MIPOL1: variants seen among roughly 807,000 people sequenced by gnomAD.
MIPOL1 encodes the protein mirror-image polydactyly 1.
In MIPOL1, 57 loss-of-function variants were observed where a neutral mutation model predicts 60.9. That is an observed-to-expected ratio of 0.94 (90% confidence interval 0.76 to 1.17). The LOEUF (loss-of-function observed/expected upper bound fraction) is 1.17. Among genes scored for constraint, MIPOL1 ranks in the 50% most tolerant of loss-of-function variants. MIPOL1 has a pLI of 0.00. For missense variants in MIPOL1, 551 were observed against 511.6 expected (o/e 1.08, Z -0.74); for synonymous variants, 179 against 168.8 (o/e 1.06, Z -0.47).
intron 11 of MIPOL1, among the ~76,000 whole-genome samples, chr14:37,498,032 A>T (rs988956189): frequency 6.6e-6 from 1 of 152,254 alleles, no homozygotes; most frequent in East Asian, 1.9e-4. Flanking sequence ...CGGCATATGT[A>T]TATAACAGAA....
chr14:37,211,340 A>G (rs1966841116), intron 1 of MIPOL1, among the ~76,000 whole-genome samples: 1 of 152,204 alleles, frequency 6.6e-6, no homozygotes, highest in African/African-American at 2.4e-5. Flanking sequence ...AACAATCCTA[A>G]GTCACTGCCA....
At chr14:37,320,127 A>G (rs546347205) in intron 9 of MIPOL1, among the ~76,000 whole-genome samples, 1 of 152,142 alleles carries the variant, frequency 6.6e-6, no homozygotes, top group Non-Finnish European at 1.5e-5. Context: ...AGATTCTTGA[A>G]CATATCTTTT....
intron 1 of MIPOL1, among the ~76,000 whole-genome samples, chr14:37,211,284 T>A (rs1326990876): frequency 2.7e-5 from 4 of 145,534 alleles, no homozygotes; most frequent in East Asian, 4.1e-4. Flanking sequence ...ACATAGTACC[T>A]GGTTTTAACT....
At chr14:37,504,910 A>G (rs981687544) in intron 12 of MIPOL1, 5 of 152,218 alleles carry the variant, frequency 3.3e-5, no homozygotes, top group Admixed American at 1.3e-4. Context: ...ATAAAAAATG[A>G]CAAAGGGGAT....
At chr14:37,290,065 G>A (rs1044812526) in intron 7 of MIPOL1, among the ~76,000 whole-genome samples, 3 of 152,184 alleles carry the variant, frequency 2.0e-5, no homozygotes, top group Admixed American at 6.5e-5. Context: ...CAAATTGGCT[G>A]TGTGTTATCC....
At chr14:37,258,899 T>TG (rs1975411751) in intron 3 of MIPOL1, among the ~76,000 whole-genome samples, 1 of 151,460 alleles carries the variant, frequency 6.6e-6, no homozygotes, top group African/African-American at 2.4e-5. Context: ...CTGTTTTATC[T>TG]GAAAAAAAAA....
intron 9 of MIPOL1, among the ~76,000 whole-genome samples, chr14:37,330,768 G>C (rs562312149): frequency 7.4e-6 from 1 of 134,968 alleles, no homozygotes; most frequent in African/African-American, 2.8e-5. Context: ...ATTCTACCCT[G>C]TCCTTCTTTT....
chr14:37,369,580 A>T lies in MIPOL1; in HGVS notation c.892A>T (p.Met298Leu), dbSNP rs756594798. The T allele has an allele frequency of 6.2e-7, 1 of 1,613,338 alleles. No individual in the cohort carries two copies. The highest frequency in any genetic ancestry group is 1.3e-5 in the African/African-American group (1 of 74,896). The change falls in exon 10 of 13, where the codon ATG (methionine) becomes TTG (leucine). Residue 298 changes from methionine to leucine, a missense_variant. By Grantham distance (15) the Met-to-Leu change is conservative (BLOSUM62 2). Transcript: ENST00000684589. ...GCAGAACCAGACTTCAGCAAACAAC[A>T]TGAGACATCTGACTGCTGAAAACAA... ...KEQNQTSANN[M>L]RHLTAENNQE...
At chr14:37,303,382 G>T (rs1483109501) in intron 7 of MIPOL1, among the ~76,000 whole-genome samples, 1 of 151,766 alleles carries the variant, frequency 6.6e-6, no homozygotes, top group Non-Finnish European at 1.5e-5. Context: ...TCTGATCAGT[G>T]TTACAACCAT....
intron 1 of MIPOL1, among the ~76,000 whole-genome samples, chr14:37,222,601 C>T (rs547261927): frequency 6.6e-6 from 1 of 152,220 alleles, no homozygotes; most frequent in African/African-American, 2.4e-5. Context: ...CAAGGATTGC[C>T]TTTACTCAAG....
chr14:37,335,511 T>A (rs2090041404), intron 9 of MIPOL1, among the ~76,000 whole-genome samples: 1 of 152,078 alleles, frequency 6.6e-6, no homozygotes, highest in South Asian at 2.1e-4. Flanking sequence ...TCATACAGTG[T>A]TTGTCCTTTT....
At chr14:37,454,013 A>G (rs1029239730) in intron 11 of MIPOL1, among the ~76,000 whole-genome samples, 4 of 152,212 alleles carry the variant, frequency 2.6e-5, no homozygotes, top group Non-Finnish European at 4.4e-5. Context: ...GAGGGATACT[A>G]TCAAGCTGTT....
In MIPOL1 at chr14:37,549,949, T is replaced by C. The variant is rs2095557763; in HGVS notation, c.*2978T>C. ...TCTAAACTTCAAGGCTTGCTCTATCTCCTAGAGCAATTTAGAGCTAAAACC... is the reference window on the plus strand; with the variant it reads ...TCTAAACTTCAAGGCTTGCTCTATCCCCTAGAGCAATTTAGAGCTAAAACC... On this transcript the variant is annotated 3_prime_UTR_variant, in exon 13 of 13. Transcript: ENST00000684589. The C allele has an allele frequency of 6.6e-6, 1 of 151,922 alleles. No individual in the cohort carries two copies. Among genetic ancestry groups the C allele is most frequent in the South Asian group, 2.1e-4 (1 of 4,832 alleles). The allele number at this position is 151,922 out of a possible 1,614,324, so 9.4% of individuals were successfully genotyped here.
intron 7 of MIPOL1, among the ~76,000 whole-genome samples, chr14:37,294,601 A>G (rs1354405369): frequency 6.6e-6 from 1 of 152,214 alleles, no homozygotes; most frequent in African/African-American, 2.4e-5. Flanking sequence ...ATCAATGCAG[A>G]GAAGTCCTTA....
intron 11 of MIPOL1, among the ~76,000 whole-genome samples, chr14:37,436,649 A>C (rs1005778131): frequency 6.6e-6 from 1 of 152,240 alleles, no homozygotes; most frequent in Non-Finnish European, 1.5e-5. Flanking sequence ...TAAAAAGCTT[A>C]GTAAATATTG....
At chr14:37,525,232 C>G (rs998388721) in intron 12 of MIPOL1, among the ~76,000 whole-genome samples, 1 of 152,194 alleles carries the variant, frequency 6.6e-6, no homozygotes, top group African/African-American at 2.4e-5. Flanking sequence ...CAGCATCTGA[C>G]ATCACTGAGC....
chr14:37,206,278 G>GTAGA (rs1482401263), intron 1 of MIPOL1, among the ~76,000 whole-genome samples: 1 of 152,230 alleles, frequency 6.6e-6, no homozygotes, highest in African/African-American at 2.4e-5. Flanking sequence ...AGGGGCCAAT[G>GTAGA]TAGAGCTCAG....
intron 7 of MIPOL1, among the ~76,000 whole-genome samples, chr14:37,307,290 T>C (rs2086867109): frequency 6.6e-6 from 1 of 151,944 alleles, no homozygotes; most frequent in African/African-American, 2.4e-5. Context: ...CAAATTTTCT[T>C]TTAATTACTT....
chr14:37,417,254 A>T (rs1405441109), intron 10 of MIPOL1, among the ~76,000 whole-genome samples: 1 of 152,050 alleles, frequency 6.6e-6, no homozygotes, highest in Non-Finnish European at 1.5e-5. Context: ...CCCATGAATC[A>T]GTTTCTGCCT....
Sources: gnomAD v4.1 joint callset for allele counts (sites outside exome capture counted in the v4.1 genomes callset) on GRCh38, gnomAD v4.1.1 for gene constraint, MANE v1.5 for transcripts, NCBI Gene and HGNC (gene_info 2026-07-23, HGNC 2026-07-21) for gene names.